Variants in TRHDE observed in about 807,000 individuals in gnomAD.
TRHDE encodes thyrotropin releasing hormone degrading enzyme.
Under a neutral mutation model 125.7 loss-of-function variants are expected in TRHDE, and 72 were observed. That is an observed-to-expected ratio of 0.57 (90% CI 0.47 to 0.70). The LOEUF (loss-of-function observed/expected upper bound fraction) is 0.70, where lower values mean the gene tolerates loss of function less well. Among genes scored for constraint, TRHDE ranks in the 30% least tolerant of loss-of-function variants. The probability of loss-of-function intolerance (pLI) is 0.00; values close to 1 mark genes in which losing one functional copy is unlikely to be tolerated. For synonymous variants in TRHDE, 509 were observed against 509.1 expected, an observed-to-expected ratio of 1.00 and a Z score of 0.00; for missense variants, 1,110 against 1,327.1, an observed-to-expected ratio of 0.84 and a Z score of 2.54.
Position 72,562,844 on chromosome 12 carries a change from C to A in TRHDE, c.1855-9C>A. On this transcript the variant is annotated splice_polypyrimidine_tract_variant and intron_variant, in intron 8 of 18. Transcript: ENST00000261180. ...TATAAAACTAATTTGTACATTTTTC[C>A]TTGTGAAGGCTTTAAAAAGAAATGG... The A allele has an allele frequency of 2.6e-6, 4 of 1,513,286 alleles. No homozygotes were observed. Among genetic ancestry groups the A allele is most frequent in the Non-Finnish European group, 2.7e-6 (3 of 1,128,782 alleles). 93.7% of individuals were successfully genotyped at this position (1,513,286 alleles called of 1,614,324 possible).
chr12:72,499,350 T>C (rs1878050532), intron 5 of TRHDE, 148 bp from the exon 6 acceptor site: 2 of 1,053,038 alleles, frequency 1.9e-6, no homozygotes, highest in Non-Finnish European at 2.7e-6. Flanking sequence ...TTAAGGAGCA[T>C]TTTTATTGGG....
At chr12:72,463,218 C>T (rs1369292700) in intron 3 of TRHDE, among the ~76,000 whole-genome samples, 2 of 152,162 alleles carry the variant, frequency 1.3e-5, no homozygotes, top group Non-Finnish European at 2.9e-5. Context: ...AGGTGATGCT[C>T]CTGAATTGCT....
intron 6 of TRHDE, among the ~76,000 whole-genome samples, chr12:72,507,404 T>A (rs917859270): frequency 6.6e-6 from 1 of 152,144 alleles, no homozygotes; most frequent in African/African-American, 2.4e-5. Context: ...ATGCTGATAT[T>A]GATATGAACA....
In TRHDE at chr12:72,221,122, G is replaced by A. The variant is rs565803070; in HGVS notation, n.279+115370G>A. 3.4e-4 allele frequency among the ~76,000 whole-genome samples: 52 copies of A among 152,136 alleles called. No homozygotes were observed. The Middle Eastern group carries it at 0.017, about 50-fold the overall frequency. On this transcript the variant is annotated intron_variant and non_coding_transcript_variant, in intron 2 of 4. Coordinates refer to the TRHDE transcript ENST00000548156. ...TTTATTTGAGAGAATAAACTGAAAA[G>A]CTTTAGGAAGATATAGAGAGTTTAG...
chr12:72,309,684 T>G (rs1868448078), intron 2 of TRHDE: 1 of 47,770 alleles, frequency 2.1e-5, no homozygotes, highest in Non-Finnish European at 7.2e-5. Flanking sequence ...AAGGGTGTGT[T>G]TTTTTTTTCC....
chr12:72,600,512 G>A (rs1383596019), intron 12 of TRHDE, among the ~76,000 whole-genome samples: 2 of 151,912 alleles, frequency 1.3e-5, no homozygotes, highest in African/African-American at 4.8e-5. Flanking sequence ...TGTGGCTATT[G>A]TAAATGAGGT....
intron 2 of TRHDE, among the ~76,000 whole-genome samples, chr12:72,204,301 C>G (rs1335191685): frequency 6.6e-6 from 1 of 152,152 alleles, no homozygotes. Context: ...ATCTAATACC[C>G]TATCTCTTTG....
intron 6 of TRHDE, among the ~76,000 whole-genome samples, chr12:72,526,099 A>G (rs1390482108): frequency 1.3e-5 from 2 of 151,968 alleles, no homozygotes; most frequent in African/African-American, 4.8e-5. Flanking sequence ...AAAACATTTT[A>G]TCTTATCTAT....
At chr12:72,622,390 T>C (rs1233562470) in intron 15 of TRHDE, among the ~76,000 whole-genome samples, 1 of 152,070 alleles carries the variant, frequency 6.6e-6, no homozygotes, top group Non-Finnish European at 1.5e-5. Context: ...AGATTATTGG[T>C]ATTATGCCTA....
intron 6 of TRHDE, among the ~76,000 whole-genome samples, chr12:72,509,274 C>T (rs889580622): frequency 1.3e-5 from 2 of 151,830 alleles, no homozygotes; most frequent in South Asian, 2.1e-4. Context: ...ACCACCGCAC[C>T]CCCCCGCACA....
chr12:72,147,138 A>T (rs1334264246), intron 2 of TRHDE, among the ~76,000 whole-genome samples: 1 of 151,770 alleles, frequency 6.6e-6, no homozygotes, highest in Non-Finnish European at 1.5e-5. Context: ...GGTGTGGTGG[A>T]CCAAAAGGCA....
chr12:72,578,533 A>G (rs946650579), intron 12 of TRHDE, among the ~76,000 whole-genome samples: 8 of 152,100 alleles, frequency 5.3e-5, no homozygotes, highest in Non-Finnish European at 1.0e-4. Context: ...GTGATATTCT[A>G]TGGATCTGTG....
chr12:72,539,145 G>A (rs945495945), intron 6 of TRHDE, among the ~76,000 whole-genome samples: 1 of 151,710 alleles, frequency 6.6e-6, no homozygotes, highest in Non-Finnish European at 1.5e-5. Context: ...TTAGACCCTC[G>A]TTATCCTTTG....
chr12:72,582,427 G>A (rs1871277794), intron 12 of TRHDE: 1 of 985,090 alleles, frequency 1.0e-6, no homozygotes, highest in Non-Finnish European at 1.2e-6. Flanking sequence ...GAAGTAATTT[G>A]CTCCTTTTGG....
chr12:72,273,484 A>G lies in TRHDE; in HGVS notation c.841A>G (p.Ile281Val). Residue 281 changes from isoleucine to valine, a missense_variant, in exon 1 of 19, where the codon ATC becomes GTC. By Grantham distance (29) the Ile-to-Val change is conservative. Transcript: ENST00000261180. The surrounding 1 kb of genome is among the most constrained non-coding windows in gnomAD (Gnocchi z 5.3). ...DAQRNYNLKI[I>V]YNALIENELL... ...GCAGAGGAATTACAATCTGAAGATTATCTACAACGCGCTCATCGAGAATGA... is the reference window on the plus strand; with the variant it reads ...GCAGAGGAATTACAATCTGAAGATTGTCTACAACGCGCTCATCGAGAATGA... 1 of 1,613,196 alleles carries G rather than the reference A, an allele frequency of 6.2e-7. No homozygotes were observed. Among genetic ancestry groups the G allele is most frequent in the South Asian group, 1.1e-5 (1 of 91,084 alleles).
intron 5 of TRHDE, among the ~76,000 whole-genome samples, chr12:72,483,184 T>C (rs562349539): frequency 1.2e-3 from 181 of 152,012 alleles, no homozygotes; most frequent in Non-Finnish European, 2.2e-3. Flanking sequence ...CTCAAATAAG[T>C]ATGGAACATC....
At chr12:72,302,697 G>A (rs888526725) in intron 2 of TRHDE, among the ~76,000 whole-genome samples, 1 of 152,104 alleles carries the variant, frequency 6.6e-6, no homozygotes, top group Non-Finnish European at 1.5e-5. Flanking sequence ...AGACACAGGG[G>A]TGTCTCTTTC....
intron 2 of TRHDE, among the ~76,000 whole-genome samples, chr12:72,350,004 G>T (rs1052848163): frequency 6.6e-6 from 1 of 151,680 alleles, no homozygotes; most frequent in African/African-American, 2.4e-5. Context: ...CCTTTTCTTC[G>T]ATTGATAAAA....
intron 3 of TRHDE, among the ~76,000 whole-genome samples, chr12:72,383,827 CT>C (rs1422645127): frequency 6.6e-6 from 1 of 151,472 alleles, no homozygotes; most frequent in Admixed American, 6.6e-5. Context: ...CAAACCCAGG[CT>C]GTCTGGCTCC....
Sources: gnomAD v4.1 joint callset for allele counts (sites outside exome capture counted in the v4.1 genomes callset) on GRCh38, gnomAD v4.1.1 for gene constraint, Gnocchi (gnomAD v3.1) non-coding constraint, MANE v1.5 for transcripts, NCBI Gene and HGNC (gene_info 2026-07-23, HGNC 2026-07-21) for gene names.